FBXL7: variants seen among roughly 807,000 people sequenced by gnomAD.
The protein encoded by FBXL7 is F-box/LRR-repeat protein 7.
Under a neutral mutation model 38.3 loss-of-function variants are expected in FBXL7, and 12 were observed. That is an observed-to-expected ratio of 0.31 (90% confidence interval 0.20 to 0.51). The LOEUF (loss-of-function observed/expected upper bound fraction) is 0.51, where lower values mean the gene tolerates loss of function less well. Ranked by LOEUF, FBXL7 falls within the 20% of genes least tolerant of loss-of-function variation. The pLI is 0.98. For synonymous variants in FBXL7, 297 were observed against 300.9 expected (o/e 0.99, Z 0.13); for missense variants, 567 against 676.4 (o/e 0.84, Z 1.79).
At position 15,928,854 on chromosome 5, in the gene FBXL7, G is replaced by T. The variant is rs150965644; in HGVS notation, c.739+353G>T. Among the ~76,000 whole-genome samples, 1 of 152,074 alleles carries T rather than the reference G, an allele frequency of 6.6e-6. No individual in the cohort carries two copies. Among genetic ancestry groups the T allele is most frequent in the Non-Finnish European group, 1.5e-5 (1 of 68,032 alleles). Reference sequence around the variant, plus strand: ...CATTAGGTGTATCTCCACTTCTTACGGGAGTTCTTAGGGGAATTCTGGCAC... The same window carrying T: ...CATTAGGTGTATCTCCACTTCTTACTGGAGTTCTTAGGGGAATTCTGGCAC... On this transcript the variant is annotated intron_variant, in intron 3 of 3. Transcript: ENST00000504595. This position sits in a 1 kb window ranked among gnomAD's most constrained non-coding sequence, Gnocchi z 4.0.
At chr5:15,508,830 T>TA (rs1447166261) in intron 1 of FBXL7, among the ~76,000 whole-genome samples, 2 of 152,256 alleles carry the variant, frequency 1.3e-5, no homozygotes, top group Non-Finnish European at 2.9e-5. Context: ...TATATTTAGA[T>TA]ATTAATTTTG....
At chr5:15,761,548 T>C (rs1736439705) in intron 2 of FBXL7, among the ~76,000 whole-genome samples, 1 of 152,208 alleles carries the variant, frequency 6.6e-6, no homozygotes, top group African/African-American at 2.4e-5. Context: ...AATTATTATT[T>C]ATTTATTTTT....
chr5:15,863,502 G>A (rs1739569206), intron 2 of FBXL7, among the ~76,000 whole-genome samples: 1 of 152,184 alleles, frequency 6.6e-6, no homozygotes, highest in African/African-American at 2.4e-5. Context: ...CATGGAGAAT[G>A]GTCGATGTGA....
At chr5:15,798,267 G>A (rs1044587780) in intron 2 of FBXL7, among the ~76,000 whole-genome samples, 3 of 152,114 alleles carry the variant, frequency 2.0e-5, no homozygotes, top group Admixed American at 1.3e-4. Flanking sequence ...CCCCTCCACC[G>A]CTCTGCTGAC....
intron 2 of FBXL7, among the ~76,000 whole-genome samples, chr5:15,783,627 C>T (rs531728579): frequency 2.0e-5 from 3 of 152,170 alleles, no homozygotes; most frequent in Admixed American, 6.5e-5. Context: ...AAACCCCAAG[C>T]CCTGAGGTTC....
At chr5:15,787,648 T>C (rs1355542766) in intron 2 of FBXL7, among the ~76,000 whole-genome samples, 1 of 152,252 alleles carries the variant, frequency 6.6e-6, no homozygotes, top group Non-Finnish European at 1.5e-5. Context: ...AGAAACCTAC[T>C]CTTTCCATCT....
At chr5:15,918,752 G>A (rs923048416) in intron 2 of FBXL7, among the ~76,000 whole-genome samples, 5 of 152,222 alleles carry the variant, frequency 3.3e-5, no homozygotes, top group African/African-American at 1.2e-4. Flanking sequence ...ACTGGTCCAT[G>A]TGACCAAGAA....
chr5:15,805,956 G>T (rs1487513320), intron 2 of FBXL7, among the ~76,000 whole-genome samples: 1 of 152,140 alleles, frequency 6.6e-6, no homozygotes, highest in African/African-American at 2.4e-5. Context: ...AGTGAAGATT[G>T]ATTTTTGTTG....
chr5:15,874,525 C>T (rs1352263948), intron 2 of FBXL7, among the ~76,000 whole-genome samples: 1 of 152,194 alleles, frequency 6.6e-6, no homozygotes, highest in East Asian at 1.9e-4. Context: ...ACCCCATCAT[C>T]TCAGCCCAGA....
intron 1 of FBXL7, among the ~76,000 whole-genome samples, chr5:15,508,673 ATTAG>A (rs1163998975): frequency 5.3e-5 from 8 of 152,194 alleles, no homozygotes; most frequent in Non-Finnish European, 1.2e-4. Flanking sequence ...ATGAAGGGTT[ATTAG>A]TTCTAAGTCA....
chr5:15,853,734 C>T (rs1371686623), intron 2 of FBXL7, among the ~76,000 whole-genome samples: 1 of 152,062 alleles, frequency 6.6e-6, no homozygotes, highest in Admixed American at 6.6e-5. Flanking sequence ...CAAGAAGGGG[C>T]AAAGCATGAA....
intron 2 of FBXL7, among the ~76,000 whole-genome samples, chr5:15,756,489 G>A (rs1315505308): frequency 6.6e-6 from 1 of 152,094 alleles, no homozygotes; most frequent in African/African-American, 2.4e-5. Flanking sequence ...GCCGCCATTT[G>A]GAAATATCTG....
intron 2 of FBXL7, among the ~76,000 whole-genome samples, chr5:15,633,879 C>T (rs1008841107): frequency 3.3e-5 from 5 of 151,820 alleles, no homozygotes; most frequent in Non-Finnish European, 7.4e-5. Flanking sequence ...CTCCCAGGTC[C>T]AAGCAGTTCT....
intron 2 of FBXL7, among the ~76,000 whole-genome samples, chr5:15,817,202 A>G (rs183323619): frequency 1.3e-5 from 2 of 152,204 alleles, no homozygotes; most frequent in Admixed American, 6.5e-5. Context: ...GGCTTTGTTG[A>G]TGACAGATGG....
At chr5:15,726,162 A>G (rs533474991) in intron 2 of FBXL7, among the ~76,000 whole-genome samples, 6 of 152,276 alleles carry the variant, frequency 3.9e-5, no homozygotes, top group African/African-American at 1.4e-4. Context: ...TTTGTTTTAT[A>G]TTAATATAGC....
intron 2 of FBXL7, among the ~76,000 whole-genome samples, chr5:15,820,446 T>G (rs1251552717): frequency 6.6e-6 from 1 of 152,154 alleles, no homozygotes; most frequent in Non-Finnish European, 1.5e-5. Flanking sequence ...ACTTTTCTTA[T>G]ATAATCACTT....
chr5:15,567,931 A>G (rs949869768), intron 1 of FBXL7, among the ~76,000 whole-genome samples: 4 of 151,982 alleles, frequency 2.6e-5, no homozygotes, highest in African/African-American at 9.7e-5. Flanking sequence ...TATACTCATC[A>G]TTTTTTATGG....
chr5:15,936,513 A>G lies in FBXL7; in HGVS notation c.803A>G (p.His268Arg). ...GCCTCCATTAAACTGTCACCCTTGCATGGCAAACAGATTTCCATCCGCTAC... is the reference window on the plus strand; with the variant it reads ...GCCTCCATTAAACTGTCACCCTTGCGTGGCAAACAGATTTCCATCCGCTAC... Reference protein sequence around the residue: ...REASIKLSPLHGKQISIRYLD... With the variant: ...REASIKLSPLRGKQISIRYLD... The change falls in exon 4 of 4, where the codon CAT becomes CGT. Residue 268 changes from histidine (H) to arginine (R), a missense_variant. Physicochemically the swap from His to Arg is conservative, Grantham distance 29. Transcript: ENST00000504595. This position sits in a 1 kb window ranked among gnomAD's most constrained non-coding sequence, Gnocchi z 6.0. The G allele has an allele frequency of 6.2e-7, 1 of 1,613,568 alleles. No homozygotes were observed. The highest frequency in any genetic ancestry group is 1.1e-5 in the South Asian group (1 of 91,086).
intron 2 of FBXL7, among the ~76,000 whole-genome samples, chr5:15,883,335 G>A (rs1304646585): frequency 1.3e-5 from 2 of 151,814 alleles, no homozygotes; most frequent in Admixed American, 6.6e-5. Flanking sequence ...TGTTTTTTCT[G>A]GAAGATAAAA....
Sources: gnomAD v4.1 joint callset for allele counts (sites outside exome capture counted in the v4.1 genomes callset) on GRCh38, gnomAD v4.1.1 for gene constraint, Gnocchi (gnomAD v3.1) non-coding constraint, MANE v1.5 for transcripts, NCBI Gene and HGNC (gene_info 2026-07-23, HGNC 2026-07-21) for gene names.